Variants in GRM8 observed in about 807,000 individuals in gnomAD.
The protein encoded by GRM8 is metabotropic glutamate receptor 8.
GRM8 carries 47 observed loss-of-function variants against 87.2 expected under a neutral mutation model. The ratio of observed to expected loss-of-function variants is 0.54; its 90% CI spans 0.43 to 0.69. The LOEUF is 0.69. Ranked by LOEUF, GRM8 falls within the 30% of genes least tolerant of loss-of-function variation. GRM8 has a pLI of 0.00. For synonymous variants in GRM8, 396 were observed against 404.5 expected, an observed-to-expected ratio of 0.98 and a Z score of 0.25; for missense variants, 1,019 against 1,139.2, an observed-to-expected ratio of 0.89 and a Z score of 1.52.
intron 2 of GRM8, among the ~76,000 whole-genome samples, chr7:127,161,118 AC>A: frequency 6.6e-6 from 1 of 152,300 alleles, no homozygotes; most frequent in Non-Finnish European, 1.5e-5. Flanking sequence ...TACAACAAAA[AC>A]AATTTTAATT....
chr7:126,802,570 T>C (rs1028190386), intron 6 of GRM8, among the ~76,000 whole-genome samples: 6 of 152,118 alleles, frequency 3.9e-5, no homozygotes, highest in African/African-American at 1.4e-4. Flanking sequence ...TGAAATAACA[T>C]AGTTGAGCCT....
chr7:126,456,926 C>A (rs576180511), intron 9 of GRM8, among the ~76,000 whole-genome samples: 1 of 151,404 alleles, frequency 6.6e-6, no homozygotes, highest in South Asian at 2.1e-4. Context: ...AAACCGTGGG[C>A]AAACAACAAC....
intron 7 of GRM8, among the ~76,000 whole-genome samples, chr7:126,632,258 G>C (rs10111132): frequency 6.6e-6 from 1 of 152,126 alleles, no homozygotes; most frequent in Non-Finnish European, 1.5e-5. Context: ...AGACCTATGT[G>C]CAGCCAACAA....
intron 7 of GRM8, among the ~76,000 whole-genome samples, chr7:126,743,885 C>T (rs1372472711): frequency 1.4e-5 from 2 of 146,906 alleles, no homozygotes; most frequent in South Asian, 2.2e-4. Flanking sequence ...ATTGTGTTGA[C>T]ATTTGCACTT....
intron 3 of GRM8, among the ~76,000 whole-genome samples, chr7:127,039,055 T>C (rs1461960583): frequency 6.6e-6 from 1 of 152,172 alleles, no homozygotes; most frequent in Non-Finnish European, 1.5e-5. Context: ...GAGGGACCCA[T>C]TATGGAGGCT....
At chr7:126,821,649 T>C (rs1184609718) in intron 6 of GRM8, among the ~76,000 whole-genome samples, 2 of 152,200 alleles carry the variant, frequency 1.3e-5, no homozygotes, top group Admixed American at 6.5e-5. Flanking sequence ...CAATTCTTTT[T>C]TCTTAGCTAA....
At chr7:126,737,004 G>C (rs912155324) in intron 7 of GRM8, among the ~76,000 whole-genome samples, 5 of 152,176 alleles carry the variant, frequency 3.3e-5, no homozygotes, top group African/African-American at 1.2e-4. Flanking sequence ...TTTGTTTATA[G>C]TTTAAATCAA....
chr7:126,623,838 G>A (rs1199464039), intron 7 of GRM8, among the ~76,000 whole-genome samples: 1 of 152,182 alleles, frequency 6.6e-6, no homozygotes, highest in Non-Finnish European at 1.5e-5. Flanking sequence ...AGCCACTTAA[G>A]AGGCTGAGTT....
At chr7:127,114,966 A>C (rs1234348694) in intron 2 of GRM8, among the ~76,000 whole-genome samples, 1 of 152,168 alleles carries the variant, frequency 6.6e-6, no homozygotes, top group Non-Finnish European at 1.5e-5. Flanking sequence ...AAGGAGTCAG[A>C]GGTCGAGGTT....
At chr7:126,903,773 GTGTATATA>G (rs1563300904) in intron 5 of GRM8, among the ~76,000 whole-genome samples, 191 bp downstream of exon 5, 1 of 118,370 alleles carries the variant, frequency 8.4e-6, no homozygotes, top group African/African-American at 3.7e-5. Context: ...ATATGTGTGT[GTGTATATA>G]TATATATATA....
At chr7:126,654,402 T>C (rs1222237323) in intron 7 of GRM8, among the ~76,000 whole-genome samples, 1 of 152,184 alleles carries the variant, frequency 6.6e-6, no homozygotes. Context: ...CAACCTCTAG[T>C]TCCAAATTCT....
intron 3 of GRM8, chr7:127,076,223 C>A (rs1411708488): frequency 2.2e-6 from 1 of 456,486 alleles, no homozygotes; most frequent in Admixed American, 2.3e-5. Context: ...GAATCCCAAA[C>A]AGGGATGGAT....
intron 8 of GRM8, among the ~76,000 whole-genome samples, chr7:126,578,817 A>G (rs929079830): frequency 2.0e-5 from 3 of 152,290 alleles, no homozygotes; most frequent in Non-Finnish European, 1.5e-5. Flanking sequence ...GATATTAGCT[A>G]TCGGACAATT....
At chr7:126,663,457 C>T (rs1195259750) in intron 7 of GRM8, among the ~76,000 whole-genome samples, 1 of 152,182 alleles carries the variant, frequency 6.6e-6, no homozygotes. Context: ...ATTAAGTAGG[C>T]TTCATTTCCA....
At chr7:126,763,472 T>TATATATATATATATATATAC (rs1479649712) in intron 7 of GRM8, among the ~76,000 whole-genome samples, 1 of 78,348 alleles carries the variant, frequency 1.3e-5, no homozygotes, top group Non-Finnish European at 2.5e-5. Context: ...TATATATATA[T>TATATATATATATATATATAC]ACACACACAC....
intron 3 of GRM8, among the ~76,000 whole-genome samples, chr7:126,983,034 TG>T (rs1811693555): frequency 6.6e-6 from 1 of 152,210 alleles, no homozygotes; most frequent in African/African-American, 2.4e-5. Flanking sequence ...CTTGATAGTC[TG>T]GGTCAATCAC....
chr7:126,848,837 C>T (rs1276584794), intron 6 of GRM8, among the ~76,000 whole-genome samples: 2 of 152,062 alleles, frequency 1.3e-5, no homozygotes, highest in African/African-American at 4.8e-5. Flanking sequence ...TGTTTTCACA[C>T]TGCTGATAAA....
chr7:126,945,249 A>C (rs1414179636), intron 3 of GRM8, among the ~76,000 whole-genome samples: 2 of 152,230 alleles, frequency 1.3e-5, no homozygotes, highest in Non-Finnish European at 2.9e-5. Context: ...ATGGTGGTAT[A>C]TTCCAATTTA....
At chr7:126,756,984 A>T (rs1027091751) in intron 7 of GRM8, among the ~76,000 whole-genome samples, 2 of 152,188 alleles carry the variant, frequency 1.3e-5, no homozygotes, top group Non-Finnish European at 2.9e-5. Context: ...TGGGTATTGT[A>T]CTAAAATGTA....
Sources: allele counts gnomAD v4.1 joint callset (sites outside exome capture counted in the v4.1 genomes callset), GRCh38; gene constraint gnomAD v4.1.1; transcripts MANE v1.5; gene names NCBI Gene and HGNC (gene_info 2026-07-23, HGNC 2026-07-21).